OSBPL3: variants seen among roughly 807,000 people sequenced by gnomAD.
OSBPL3 encodes the protein oxysterol-binding protein-related protein 3.
OSBPL3 carries 65 observed loss-of-function variants against 120.1 expected under a neutral mutation model. The ratio of observed to expected loss-of-function variants is 0.54; its 90% CI spans 0.44 to 0.67. The LOEUF is 0.67. OSBPL3 is among the 30% of genes least tolerant of loss of function. The probability of loss-of-function intolerance (pLI) is 0.00; values close to 1 mark genes in which losing one functional copy is unlikely to be tolerated. For synonymous variants in OSBPL3, 416 were observed against 402.6 expected (o/e 1.03, Z -0.40); for missense variants, 1,004 against 1,082.1 (o/e 0.93, Z 1.01).
At position 24,866,070 on chromosome 7, in the gene OSBPL3, C is replaced by G; in HGVS notation, c.549G>C (p.Lys183Asn). 6.2e-7 allele frequency: 1 copy of G among 1,612,544 alleles called. No individual in the cohort carries two copies. The highest frequency in any genetic ancestry group is 8.5e-7 in the Non-Finnish European group (1 of 1,178,604). Residue 183 changes from lysine (K) to asparagine (N), a missense_variant and splice_region_variant, in exon 6 of 23, where the codon AAG (lysine) becomes AAC (asparagine). Lys to Asn is a moderately conservative substitution (Grantham distance 94). Transcript: ENST00000313367. ...SGVFDSISSR[K>N]RSSISKQNLF... Reference sequence around the variant, plus strand: ...TCATTATTGGCAAAACACTCATTACCTTCCTACTTGAAATGGAGTCAAACA... The same window carrying G: ...TCATTATTGGCAAAACACTCATTACGTTCCTACTTGAAATGGAGTCAAACA...
rs755115534 is a variant in OSBPL3 at position 24,881,730 on chromosome 7, A to G, written c.97-9661T>C. Among the ~76,000 whole-genome samples, 1 of 152,134 alleles carries G rather than the reference A, an allele frequency of 6.6e-6. No homozygotes were observed. Among genetic ancestry groups the G allele is most frequent in the Non-Finnish European group, 1.5e-5 (1 of 68,018 alleles). Reference sequence around the variant, plus strand: ...AAACTTTGGTGGCTTAAATAAACAGATATTTATTCTCTAGCCGTTCTGGAG... The same window carrying G: ...AAACTTTGGTGGCTTAAATAAACAGGTATTTATTCTCTAGCCGTTCTGGAG... On this transcript the variant is annotated intron_variant, in intron 2 of 22. Coordinates refer to ENST00000313367, the MANE Select transcript of OSBPL3 (RefSeq NM_015550.4). The surrounding 1 kb of genome is among the most constrained non-coding windows in gnomAD (Gnocchi z 4.3).
At chr7:24,961,311 G>A (rs1463286571) in intron 1 of OSBPL3, among the ~76,000 whole-genome samples, 2 of 152,170 alleles carry the variant, frequency 1.3e-5, no homozygotes, top group African/African-American at 4.8e-5. Flanking sequence ...CTAGGATCAG[G>A]GGAGAGAGGC....
chr7:24,963,593 A>G (rs1276126122), intron 1 of OSBPL3, among the ~76,000 whole-genome samples: 1 of 152,186 alleles, frequency 6.6e-6, no homozygotes, highest in Non-Finnish European at 1.5e-5. Flanking sequence ...ATGGGAGTAC[A>G]CTGAACCAGA....
intron 7 of OSBPL3, among the ~76,000 whole-genome samples, chr7:24,864,807 G>A (rs938434901): frequency 2.0e-5 from 3 of 152,128 alleles, no homozygotes; most frequent in South Asian, 2.1e-4. Context: ...TATGGCAGGC[G>A]CCTTATCAAA....
intron 17 of OSBPL3, among the ~76,000 whole-genome samples, 163 bp from the exon 18 acceptor site, chr7:24,816,851 TA>T (rs1391838563): frequency 9.9e-5 from 15 of 152,172 alleles, no homozygotes; most frequent in Non-Finnish European, 1.5e-4. Flanking sequence ...ACCAACCCCA[TA>T]TGGGCCCTTG....
intron 22 of OSBPL3, among the ~76,000 whole-genome samples, chr7:24,800,696 A>G (rs897109376): frequency 6.6e-6 from 1 of 151,874 alleles, no homozygotes; most frequent in Non-Finnish European, 1.5e-5. Context: ...ACCTCAGGTG[A>G]TCCACCCACT....
chr7:24,978,614 G>T (rs1309143263), intron 1 of OSBPL3, among the ~76,000 whole-genome samples: 1 of 152,230 alleles, frequency 6.6e-6, no homozygotes, highest in East Asian at 1.9e-4. Flanking sequence ...TTTAGCCAAG[G>T]ACCTCACCTT....
chr7:24,865,495 A>G (rs764608153), intron 6 of OSBPL3, 30 bp from the exon 7 acceptor site: 7 of 1,609,392 alleles, frequency 4.3e-6, no homozygotes, highest in Non-Finnish European at 5.9e-6. Context: ...AGCACATTGT[A>G]AATGGAAACA....
At chr7:24,807,717 C>T (rs1045465483) in intron 20 of OSBPL3, among the ~76,000 whole-genome samples, 1 of 149,760 alleles carries the variant, frequency 6.7e-6, no homozygotes, top group Non-Finnish European at 1.5e-5. Context: ...CCAATTCTTG[C>T]CTCTCCTCAA....
At chr7:24,865,253 G>C in intron 7 of OSBPL3, 89 bp downstream of exon 7, 1 of 1,377,726 alleles carries the variant, frequency 7.3e-7, no homozygotes, top group South Asian at 1.3e-5. Flanking sequence ...CAAGCATAGG[G>C]GAAGGACACA....
rs746326891 is a variant in OSBPL3, at chr7:24,939,290, T to C, written c.-150+40596A>G. On this transcript the variant is annotated intron_variant, in intron 1 of 22. Transcript: ENST00000313367. The surrounding 1 kb of genome is among the most constrained non-coding windows in gnomAD (Gnocchi z 4.2). ...ATTGTCTGCCCAGTAGCCATTCTCC[T>C]GTGCTTCTTTGTGGCTGACAAGAAT... Among the ~76,000 whole-genome samples the C allele has an allele frequency of 1.3e-5, 2 of 152,232 alleles. No individual in the cohort carries two copies. The highest frequency in any genetic ancestry group is 2.9e-5 in the Non-Finnish European group (2 of 68,040).
chr7:24,890,694 A>T (rs1476002493), intron 2 of OSBPL3, among the ~76,000 whole-genome samples: 1 of 152,192 alleles, frequency 6.6e-6, no homozygotes, highest in Non-Finnish European at 1.5e-5. Context: ...AAGTGTCTCC[A>T]TTTATAAAGT....
intron 1 of OSBPL3, among the ~76,000 whole-genome samples, chr7:24,897,604 C>T (rs912059993): frequency 2.6e-5 from 4 of 152,126 alleles, no homozygotes; most frequent in African/African-American, 7.2e-5. Context: ...GGATTACAGG[C>T]GTGAGCCACC....
rs1384727306 is a variant in OSBPL3, at chr7:24,965,514, A to G, written c.-150+14372T>C. 6.6e-6 allele frequency among the ~76,000 whole-genome samples: 1 copy of G among 152,224 alleles called. No individual in the cohort carries two copies. Among genetic ancestry groups the G allele is most frequent in the Non-Finnish European group, 1.5e-5 (1 of 68,036 alleles). On this transcript the variant is annotated intron_variant, in intron 1 of 22. Transcript: ENST00000313367. The surrounding 1 kb of genome is among the most constrained non-coding windows in gnomAD (Gnocchi z 4.3). ...CCAGAATTCTCTGGTTCTTCTCGGAATCAGAATGGACTCCAGGCTGGTTAA... is the reference window on the plus strand; with the variant it reads ...CCAGAATTCTCTGGTTCTTCTCGGAGTCAGAATGGACTCCAGGCTGGTTAA...
chr7:24,836,215 A>C (rs1352646340), intron 14 of OSBPL3, among the ~76,000 whole-genome samples: 2 of 152,310 alleles, frequency 1.3e-5, no homozygotes, highest in African/African-American at 4.8e-5. Flanking sequence ...CTTTTCAAAA[A>C]GGCTGCCCCC....
At chr7:24,942,130 C>G (rs1475784263) in intron 1 of OSBPL3, among the ~76,000 whole-genome samples, 1 of 151,864 alleles carries the variant, frequency 6.6e-6, no homozygotes, top group Non-Finnish European at 1.5e-5. Flanking sequence ...ACTCAAGAAG[C>G]CTTCCCTTAA....
intron 16 of OSBPL3, among the ~76,000 whole-genome samples, chr7:24,829,066 C>A (rs1167173930): frequency 6.6e-6 from 1 of 152,238 alleles, no homozygotes; most frequent in African/African-American, 2.4e-5. Context: ...CCCACCAGGG[C>A]TCAGAGGACT....
In OSBPL3 at chr7:24,967,629, T is replaced by C. The variant is rs1816534871; in HGVS notation, c.-150+12257A>G. On this transcript the variant is annotated intron_variant, in intron 1 of 22. Transcript: ENST00000313367. This position sits in a 1 kb window ranked among gnomAD's most constrained non-coding sequence, Gnocchi z 5.6. Reference sequence around the variant, plus strand: ...CAAATACTTCATTAAGAAACTACCATTATTATTATTTTATGGTCCTCCAAT... The same window carrying C: ...CAAATACTTCATTAAGAAACTACCACTATTATTATTTTATGGTCCTCCAAT... 6.6e-6 allele frequency among the ~76,000 whole-genome samples: 1 copy of C among 152,154 alleles called. No homozygotes were observed. The highest frequency in any genetic ancestry group is 1.5e-5 in the Non-Finnish European group (1 of 68,030).
At position 24,808,145 on chromosome 7, in the gene OSBPL3, C is replaced by A. The variant is rs1189357420; in HGVS notation, c.2318-1243G>T. On this transcript the variant is annotated intron_variant, in intron 20 of 22. Coordinates refer to ENST00000313367, the MANE Select transcript of OSBPL3 (RefSeq NM_015550.4). This position sits in a 1 kb window ranked among gnomAD's most constrained non-coding sequence, Gnocchi z 4.6. ...TGAACTCCTGGCCTTAAACAATCTG[C>A]CTGCCTTGGCTTCCCAAAGTGCTGG... Among the ~76,000 whole-genome samples, 1 of 152,192 alleles carries A rather than the reference C, an allele frequency of 6.6e-6. No homozygotes were observed. Among genetic ancestry groups the A allele is most frequent in the Non-Finnish European group, 1.5e-5 (1 of 68,026 alleles).
Sources: allele counts gnomAD v4.1 joint callset (sites outside exome capture counted in the v4.1 genomes callset), GRCh38; gene constraint gnomAD v4.1.1; non-coding constraint Gnocchi (gnomAD v3.1); transcripts MANE v1.5; gene names NCBI Gene and HGNC (gene_info 2026-07-23, HGNC 2026-07-21).